MED27: variants seen among roughly 807,000 people sequenced by gnomAD.
The protein encoded by MED27 is mediator of RNA polymerase II transcription subunit 27.
In MED27, 30 loss-of-function variants were observed where a neutral mutation model predicts 38.2. That is an observed-to-expected ratio of 0.79 (90% CI 0.59 to 1.07). MED27 has a LOEUF of 1.07. Ranked by LOEUF, MED27 falls within the 50% of genes least tolerant of loss-of-function variation. MED27 has a pLI of 0.00. For synonymous variants in MED27, 122 were observed against 153.5 expected (o/e 0.79, Z 1.52); for missense variants, 289 against 397.5 (o/e 0.73, Z 2.32).
intron 3 of MED27, among the ~76,000 whole-genome samples, chr9:132,010,747 C>A (rs1832469975): frequency 6.6e-6 from 1 of 152,066 alleles, no homozygotes; most frequent in African/African-American, 2.4e-5. Flanking sequence ...ATGGATGAAG[C>A]TGGAAACCAT....
chr9:131,968,464 CCT>C (rs1831402768), intron 3 of MED27, among the ~76,000 whole-genome samples: 2 of 105,414 alleles, frequency 1.9e-5, no homozygotes, highest in Non-Finnish European at 3.7e-5. Context: ...AGAGAGAGAC[CCT>C]GTCTCAAAAA....
intron 4 of MED27, among the ~76,000 whole-genome samples, chr9:131,930,997 G>A (rs577700087): frequency 6.6e-6 from 1 of 152,270 alleles, no homozygotes; most frequent in East Asian, 1.9e-4. Flanking sequence ...TGTAATCCCA[G>A]CACTTTGGGA....
intron 2 of MED27, among the ~76,000 whole-genome samples, chr9:132,064,126 T>C (rs1338382168): frequency 6.6e-6 from 1 of 152,208 alleles, no homozygotes; most frequent in Non-Finnish European, 1.5e-5. Flanking sequence ...CATTCAATTC[T>C]GGGAAACATG....
In MED27 at chr9:131,957,564, T is replaced by A. The variant is rs1831130419; in HGVS notation, c.480-18090A>T. 2.0e-5 allele frequency among the ~76,000 whole-genome samples: 3 copies of A among 152,314 alleles called. No homozygotes were observed. In the South Asian group the frequency reaches 6.2e-4, roughly 32 times the overall value. ...CATGAGCTACAGACCATGTGCCTGGTCCAGTTTTATTTTTATTACCCCCAA... is the reference window on the plus strand; with the variant it reads ...CATGAGCTACAGACCATGTGCCTGGACCAGTTTTATTTTTATTACCCCCAA... On this transcript the variant is annotated intron_variant, in intron 3 of 7. Coordinates refer to ENST00000292035, the MANE Select transcript of MED27 (RefSeq NM_004269.4).
At chr9:131,907,643 G>A (rs901303983) in intron 4 of MED27, among the ~76,000 whole-genome samples, 7 of 151,756 alleles carry the variant, frequency 4.6e-5, no homozygotes, top group Middle Eastern at 3.2e-3. Context: ...CCGCCACCCC[G>A]TCTGGGAAGT....
chr9:132,011,528 G>A (rs1050895277), intron 3 of MED27, among the ~76,000 whole-genome samples: 3 of 152,142 alleles, frequency 2.0e-5, no homozygotes, highest in African/African-American at 4.8e-5. Flanking sequence ...GGGGCGGGAC[G>A]CAGTGGCTCA....
intron 1 of MED27, among the ~76,000 whole-genome samples, chr9:132,077,986 C>T (rs922829812): frequency 4.6e-5 from 7 of 152,166 alleles, no homozygotes; most frequent in African/African-American, 1.7e-4. Flanking sequence ...GGCAGAACAG[C>T]AAGTACCTGA....
At chr9:131,987,807 T>C (rs1171674080) in intron 3 of MED27, among the ~76,000 whole-genome samples, 1 of 151,998 alleles carries the variant, frequency 6.6e-6, no homozygotes, top group East Asian at 1.9e-4. Flanking sequence ...CAAGAAAACC[T>C]CATTAATTCT....
chr9:131,907,417 G>A lies in MED27; in HGVS notation c.574-13425C>T, dbSNP rs971834967. ...ATTTTTTTGGTGGAGACGGGGTTTC[G>A]CCGTGTTGGCCGGGCTGGTCTCCAT... On this transcript the variant is annotated intron_variant, in intron 4 of 7. Transcript: ENST00000292035. Among the ~76,000 whole-genome samples, 4 of 152,152 alleles carry A rather than the reference G, an allele frequency of 2.6e-5. No individual in the cohort carries two copies. The South Asian group carries it at 8.3e-4, about 32-fold the overall frequency.
intron 4 of MED27, among the ~76,000 whole-genome samples, chr9:131,896,601 C>T (rs1226906364): frequency 6.6e-6 from 1 of 151,912 alleles, no homozygotes; most frequent in East Asian, 1.9e-4. Context: ...GACAGTTGTT[C>T]CTGGTCTTGA....
intron 3 of MED27, among the ~76,000 whole-genome samples, chr9:131,949,443 A>T (rs1830947718): frequency 6.6e-6 from 1 of 152,200 alleles, no homozygotes; most frequent in Admixed American, 6.5e-5. Flanking sequence ...TACAAATGAC[A>T]GAAAAAAGAA....
intron 2 of MED27, among the ~76,000 whole-genome samples, chr9:132,074,623 ATAAT>A (rs1320852808): frequency 6.6e-6 from 1 of 152,258 alleles, no homozygotes; most frequent in Non-Finnish European, 1.5e-5. Flanking sequence ...ATAAACACAT[ATAAT>A]TAATTGTTTG....
At chr9:132,011,121 A>G (rs1832477734) in intron 3 of MED27, among the ~76,000 whole-genome samples, 1 of 152,218 alleles carries the variant, frequency 6.6e-6, no homozygotes, top group Non-Finnish European at 1.5e-5. Context: ...AGATCAAATT[A>G]TGCTCCCTTA....
chr9:131,875,446 A>G (rs1446628198), intron 6 of MED27, among the ~76,000 whole-genome samples: 1 of 152,094 alleles, frequency 6.6e-6, no homozygotes, highest in African/African-American at 2.4e-5. Context: ...ACCCTGAGCC[A>G]CCGTGTCCAC....
chr9:131,897,182 A>G (rs1829845934), intron 4 of MED27, among the ~76,000 whole-genome samples: 2 of 152,274 alleles, frequency 1.3e-5, no homozygotes, highest in South Asian at 4.1e-4. Context: ...ATTGGTGGAC[A>G]TTCGGGTTAC....
rs1418418947 is a variant in MED27 at position 131,952,845 on chromosome 9, C to CT, written c.480-13372dup. On this transcript the variant is annotated intron_variant, in intron 3 of 7. Coordinates refer to ENST00000292035, the MANE Select transcript of MED27 (RefSeq NM_004269.4). ...ACTAGCCCAGGTACTGCCCTAGTCC[C>CT]TTATGGGTTCCTTATACCCTGCCCA... Among the ~76,000 whole-genome samples the CT allele has an allele frequency of 2.0e-5, 3 of 152,216 alleles. No homozygotes were observed. In the East Asian group the frequency reaches 5.8e-4, roughly 29 times the overall value.
chr9:132,024,554 T>A (rs913880944), intron 2 of MED27, among the ~76,000 whole-genome samples: 2 of 152,228 alleles, frequency 1.3e-5, no homozygotes, highest in Non-Finnish European at 2.9e-5. Flanking sequence ...GCATGTCAGA[T>A]AACAAATTGA....
chr9:131,924,737 A>G (rs1334426989), intron 4 of MED27, among the ~76,000 whole-genome samples: 1 of 152,096 alleles, frequency 6.6e-6, no homozygotes, highest in East Asian at 1.9e-4. Context: ...GGTATGTTTT[A>G]ATGCTTGACA....
intron 3 of MED27, among the ~76,000 whole-genome samples, chr9:131,971,363 G>GGAGA (rs1026536284): frequency 6.6e-6 from 1 of 152,210 alleles, no homozygotes; most frequent in Admixed American, 6.5e-5. Context: ...AAGGACAGGG[G>GGAGA]GAGAGAGAGG....
Sources: allele counts gnomAD v4.1 joint callset (sites outside exome capture counted in the v4.1 genomes callset), GRCh38; gene constraint gnomAD v4.1.1; transcripts MANE v1.5; gene names NCBI Gene and HGNC (gene_info 2026-07-23, HGNC 2026-07-21).